POLR1E: variants seen among roughly 807,000 people sequenced by gnomAD.
POLR1E encodes the protein RNA polymerase I subunit E, also known as DNA-directed RNA polymerase I subunit RPA49.
A neutral mutation model predicts 50.9 loss-of-function variants in POLR1E; 37 were observed. That is an observed-to-expected ratio of 0.73 (90% CI 0.56 to 0.96). POLR1E has a LOEUF of 0.96. Ranked by LOEUF, POLR1E falls within the 40% of genes least tolerant of loss-of-function variation. The pLI is 0.00. For missense variants in POLR1E, 426 were observed against 518.1 expected (o/e 0.82, Z 1.73); for synonymous variants, 166 against 191.6 (o/e 0.87, Z 1.10).
At chr9:37,486,468 C>T in intron 1 of POLR1E, 1 of 1,551,212 alleles carries the variant, frequency 6.4e-7, no homozygotes, top group Non-Finnish European at 8.7e-7. Flanking sequence ...TGTCAGCCTC[C>T]TTCCGCGAGA....
At chr9:37,497,986 C>T (rs910710600) in intron 8 of POLR1E, 105 bp from the exon 9 acceptor site, 27 of 1,322,022 alleles carry the variant, frequency 2.0e-5, no homozygotes, top group Middle Eastern at 4.3e-4. Flanking sequence ...CTGTTGAGTG[C>T]GTCGGGGTGA....
chr9:37,499,805 T>G (rs995935640), intron 9 of POLR1E, among the ~76,000 whole-genome samples: 1 of 151,492 alleles, frequency 6.6e-6, no homozygotes, highest in Non-Finnish European at 1.5e-5. Flanking sequence ...CTGGCTGGGA[T>G]TACAGGCGTG....
chr9:37,494,400 T>C (rs923057938), intron 6 of POLR1E, among the ~76,000 whole-genome samples: 2 of 152,172 alleles, frequency 1.3e-5, no homozygotes, highest in Non-Finnish European at 2.9e-5. Context: ...AATCTTTCCA[T>C]ACCCTATGAT....
In POLR1E at chr9:37,501,732, G is replaced by T. The variant is rs371979560; in HGVS notation, c.988G>T (p.Asp330Tyr). The T allele has an allele frequency of 2.2e-4, 360 of 1,609,052 alleles. No individual in the cohort carries two copies. Among genetic ancestry groups the T allele is most frequent in the Non-Finnish European group, 2.9e-4 (344 of 1,178,894 alleles). ...NNGRLRNLIS[D>Y]SMKAKITAYV... Reference sequence around the variant, plus strand: ...TTCTAGATTACGGAACTTAATTTCGGATTCTATGAAGGCGAAGATTACTGC... The same window carrying T: ...TTCTAGATTACGGAACTTAATTTCGTATTCTATGAAGGCGAAGATTACTGC... Residue 330 changes from aspartate (D) to tyrosine (Y), a missense_variant, in exon 11 of 12, where the codon GAT (aspartate) becomes TAT (tyrosine). Coordinates refer to ENST00000377798, the MANE Select transcript of POLR1E (RefSeq NM_022490.4).
chr9:37,496,426 G>T (rs1310071342), intron 8 of POLR1E, among the ~76,000 whole-genome samples: 1 of 151,910 alleles, frequency 6.6e-6, no homozygotes, highest in Admixed American at 6.6e-5. Context: ...ATAATTCAGA[G>T]ATTATTTCCT....
At chr9:37,487,618 C>T (rs980034289) in intron 2 of POLR1E, among the ~76,000 whole-genome samples, 1 of 152,174 alleles carries the variant, frequency 6.6e-6, no homozygotes, top group Non-Finnish European at 1.5e-5. Flanking sequence ...CCCCCAAGAG[C>T]TTTTCATACC....
intron 4 of POLR1E, among the ~76,000 whole-genome samples, chr9:37,489,873 C>T (rs10973364): frequency 0.21 from 32,645 of 152,024 alleles, 3,633 homozygotes; most frequent in East Asian, 0.26. Context: ...TGCGCCCGGC[C>T]TAGAGTTTTT....
At chr9:37,496,881 C>A (rs1300386635) in intron 8 of POLR1E, among the ~76,000 whole-genome samples, 5 of 152,092 alleles carry the variant, frequency 3.3e-5, no homozygotes, top group Admixed American at 2.0e-4. Context: ...GTCTTGCTAG[C>A]AGTAGAGCAG....
chr9:37,497,466 A>G (rs1820804144), intron 8 of POLR1E, among the ~76,000 whole-genome samples: 1 of 152,230 alleles, frequency 6.6e-6, no homozygotes, highest in Admixed American at 6.5e-5. Flanking sequence ...TGACTATAAA[A>G]ACAGAGGTCA....
chr9:37,486,670 CTCTCA>C, intron 1 of POLR1E, 28 bp from the exon 2 acceptor site: 1 of 1,614,242 alleles, frequency 6.2e-7, no homozygotes, highest in East Asian at 2.2e-5. Context: ...TGGCCTTCTG[CTCTCA>C]TCTCATTCTT....
intron 9 of POLR1E, 39 bp from the exon 10 acceptor site, chr9:37,500,801 T>C: frequency 1.3e-6 from 2 of 1,531,414 alleles, no homozygotes; most frequent in South Asian, 2.2e-5. Context: ...GGCCTGAGGG[T>C]TTTGAGAGAA....
At chr9:37,496,729 C>T (rs111628522) in intron 8 of POLR1E, among the ~76,000 whole-genome samples, 9 of 149,378 alleles carry the variant, frequency 6.0e-5, no homozygotes, top group African/African-American at 2.0e-4. Context: ...GGTGCAGGAA[C>T]GAACTCTGAG....
Position 37,503,224 on chromosome 9 carries a change from C to A in POLR1E, c.*22C>A. On this transcript the variant is annotated 3_prime_UTR_variant, in exon 12 of 12. Transcript: ENST00000377798. The stretch of plus-strand genomic sequence containing the variant: ...CTAGACGCATGCTTTCCAGACAGGG[C>A]GTTTTGGCTGCATCACAGCCACTGG... 6.4e-7 allele frequency: 1 copy of A among 1,574,300 alleles called. No homozygotes were observed. The highest frequency in any genetic ancestry group is 1.9e-5 in the Admixed American group (1 of 52,992).
chr9:37,495,988 T>G lies in POLR1E; in HGVS notation c.752+2T>G. 6.2e-7 allele frequency: 1 copy of G among 1,609,924 alleles called. No homozygotes were observed. On this transcript the variant is annotated splice_donor_variant, in intron 8 of 11. Coordinates refer to ENST00000377798, the MANE Select transcript of POLR1E (RefSeq NM_022490.4). LOFTEE classifies it high-confidence loss of function. ...ACTGAAGATGATTGAGGAGAACAGGTACCCTGACTTAAGCAGATGGGGATT... is the reference window on the plus strand; with the variant it reads ...ACTGAAGATGATTGAGGAGAACAGGGACCCTGACTTAAGCAGATGGGGATT...
chr9:37,490,927 C>A, intron 4 of POLR1E: 1 of 448,754 alleles, frequency 2.2e-6, no homozygotes, highest in South Asian at 1.9e-5. Flanking sequence ...CAGTTCTGGC[C>A]GAAAGGGTTC....
At chr9:37,499,540 T>A (rs1054283701) in intron 9 of POLR1E, among the ~76,000 whole-genome samples, 1 of 149,660 alleles carries the variant, frequency 6.7e-6, no homozygotes, top group Non-Finnish European at 1.5e-5. Flanking sequence ...GTTTTTGTTT[T>A]GTTTTTTTTG....
chr9:37,488,070 G>A (rs1321598243), intron 3 of POLR1E, 131 bp downstream of exon 3: 10 of 807,608 alleles, frequency 1.2e-5, no homozygotes, highest in Non-Finnish European at 2.0e-5. Context: ...TGATCCCTGT[G>A]TTCCTATTAG....
rs1820763982 is a variant in POLR1E, at chr9:37,495,252, G to A, written c.631G>A (p.Glu211Lys). ...PPCYDDAAKP[E>K]DVYKFEDLLS... Reference sequence around the variant, plus strand: ...CTGCTATGATGATGCAGCCAAGCCTGAAGACGTGTATAAATTTGAAGATCG... The same window carrying A: ...CTGCTATGATGATGCAGCCAAGCCTAAAGACGTGTATAAATTTGAAGATCG... Residue 211 changes from glutamate (E) to lysine (K), a missense_variant, in exon 7 of 12, where the codon GAA becomes AAA. Coordinates refer to ENST00000377798, the MANE Select transcript of POLR1E (RefSeq NM_022490.4). 6.2e-7 allele frequency: 1 copy of A among 1,613,876 alleles called. No individual in the cohort carries two copies. The highest frequency in any genetic ancestry group is 8.5e-7 in the Non-Finnish European group (1 of 1,179,800).
intron 3 of POLR1E, among the ~76,000 whole-genome samples, chr9:37,489,037 G>A (rs917127020): frequency 1.3e-5 from 2 of 152,038 alleles, no homozygotes; most frequent in South Asian, 2.1e-4. Flanking sequence ...TCAGGAGTTC[G>A]AGACCAGCCT....
Sources: allele counts gnomAD v4.1 joint callset (sites outside exome capture counted in the v4.1 genomes callset), GRCh38; gene constraint gnomAD v4.1.1; transcripts MANE v1.5; gene names NCBI Gene and HGNC (gene_info 2026-07-23, HGNC 2026-07-21).